The following GALNT13 variants were observed in gnomAD, a reference collection of about 807,000 sequenced individuals.
GALNT13 encodes the protein polypeptide N-acetylgalactosaminyltransferase 13, also known as UDP-GalNAc:polypeptide N-acetylgalactosaminyltransferase 13.
Under a neutral mutation model 64.2 loss-of-function variants are expected in GALNT13, and 28 were observed. The ratio of observed to expected loss-of-function variants is 0.44; its 90% CI spans 0.32 to 0.60. The LOEUF is 0.60. GALNT13 is among the 20% of genes least tolerant of loss of function. The pLI, the probability that GALNT13 is intolerant of heterozygous loss-of-function variation, is 0.05. For synonymous variants in GALNT13, 214 were observed against 224.6 expected, an observed-to-expected ratio of 0.95 and a Z score of 0.42; for missense variants, 577 against 669.8, an observed-to-expected ratio of 0.86 and a Z score of 1.53.
At chr2:153,623,394 T>G in the GALNT13 span, among the ~76,000 whole-genome samples, 1 of 152,114 alleles carries the variant, frequency 6.6e-6, no homozygotes, top group Non-Finnish European at 1.5e-5. Flanking sequence ...TGGTGGTGTT[T>G]CCTTTACTGT....
At chr2:153,106,438 C>T in the GALNT13 span, among the ~76,000 whole-genome samples, 1 of 152,046 alleles carries the variant, frequency 6.6e-6, no homozygotes, top group Non-Finnish European at 1.5e-5. Context: ...ACCATGCTTT[C>T]CATCATGACT....
chr2:154,294,175 CCATT>C (rs1263007558), intron 8 of GALNT13, among the ~76,000 whole-genome samples: 1 of 152,170 alleles, frequency 6.6e-6, no homozygotes, highest in African/African-American at 2.4e-5. Context: ...GAGCCAGTAT[CCATT>C]GAGTTATGGA....
At chr2:153,104,649 T>A in the GALNT13 span, among the ~76,000 whole-genome samples, 10 of 152,276 alleles carry the variant, frequency 6.6e-5, no homozygotes, top group African/African-American at 2.4e-4. Flanking sequence ...AGACTTACTA[T>A]TATTCCAAAG....
chr2:153,546,135 C>T, the GALNT13 span, among the ~76,000 whole-genome samples: 33 of 152,294 alleles, frequency 2.2e-4, no homozygotes, highest in African/African-American at 7.0e-4. Flanking sequence ...CTCAATTTTT[C>T]AGTGATTCCT....
the GALNT13 span, among the ~76,000 whole-genome samples, chr2:153,720,188 C>G: frequency 1.4e-5 from 2 of 146,134 alleles, no homozygotes; most frequent in Non-Finnish European, 3.0e-5. Flanking sequence ...GAGGCACCCC[C>G]CAGCAGGGGC....
chr2:153,542,348 ACACACACAC>A, the GALNT13 span, among the ~76,000 whole-genome samples: 112 of 131,890 alleles, frequency 8.5e-4, 3 homozygotes, highest in East Asian at 9.3e-3. Context: ...ACAAACAAAC[ACACACACAC>A]ACAAAAAAAA....
the GALNT13 span, among the ~76,000 whole-genome samples, chr2:153,176,282 T>C: frequency 6.6e-6 from 1 of 152,120 alleles, no homozygotes. Flanking sequence ...TAGCCTGCTC[T>C]GGGGGGATAT....
chr2:153,256,933 G>A, the GALNT13 span, among the ~76,000 whole-genome samples: 1 of 152,234 alleles, frequency 6.6e-6, no homozygotes, highest in Non-Finnish European at 1.5e-5. Flanking sequence ...CGCAGAGGTG[G>A]AGCCTGCAGA....
At chr2:153,363,574 A>G in the GALNT13 span, among the ~76,000 whole-genome samples, 31,386 of 152,174 alleles carry the variant, frequency 0.21, 3,509 homozygotes, top group African/African-American at 0.29. Flanking sequence ...CCCAACAGAA[A>G]TAGACACTAC....
chr2:153,338,214 G>A, the GALNT13 span, among the ~76,000 whole-genome samples: 1 of 152,150 alleles, frequency 6.6e-6, no homozygotes, highest in African/African-American at 2.4e-5. Flanking sequence ...GATCAACTGA[G>A]CCCAGAAGAT....
the GALNT13 span, among the ~76,000 whole-genome samples, chr2:153,074,889 TACCC>T: frequency 6.6e-6 from 1 of 152,140 alleles, no homozygotes. Flanking sequence ...CATGCCACTG[TACCC>T]AGGTAATTTT....
intron 2 of GALNT13, among the ~76,000 whole-genome samples, chr2:153,939,866 T>C (rs1691212516): frequency 6.6e-6 from 1 of 152,152 alleles, no homozygotes; most frequent in South Asian, 2.1e-4. Context: ...ATTTTGTGAG[T>C]AGGAAAACCA....
chr2:154,050,625 A>T (rs974141759), intron 3 of GALNT13, among the ~76,000 whole-genome samples: 1 of 152,186 alleles, frequency 6.6e-6, no homozygotes, highest in African/African-American at 2.4e-5. Context: ...GGGGAATAAT[A>T]TGAAAATATA....
intron 9 of GALNT13, among the ~76,000 whole-genome samples, chr2:154,368,541 T>G (rs2105304612): frequency 6.6e-6 from 1 of 152,276 alleles, no homozygotes; most frequent in South Asian, 2.1e-4. Context: ...AGAGGAACTG[T>G]GCACAGGCAG....
At chr2:154,225,160 TGATA>T (rs56211679) in intron 4 of GALNT13, among the ~76,000 whole-genome samples, 28,506 of 137,496 alleles carry the variant, frequency 0.21, 3,521 homozygotes, top group Admixed American at 0.35. Flanking sequence ...GATAGATAGA[TGATA>T]GATAGATAGA....
the GALNT13 span, among the ~76,000 whole-genome samples, chr2:153,576,639 G>A: frequency 1.3e-5 from 2 of 152,212 alleles, no homozygotes; most frequent in Non-Finnish European, 2.9e-5. Context: ...GGGAAGGGAT[G>A]GCACCTGCAA....
chr2:154,145,088 C>CTATATATA (rs1231342170), intron 4 of GALNT13, among the ~76,000 whole-genome samples: 5 of 121,234 alleles, frequency 4.1e-5, no homozygotes, highest in Non-Finnish European at 8.9e-5. Flanking sequence ...ATCTATCTAT[C>CTATATATA]TATCTATCTA....
the GALNT13 span, among the ~76,000 whole-genome samples, chr2:153,631,045 G>A: frequency 7.3e-5 from 11 of 151,496 alleles, no homozygotes; most frequent in South Asian, 6.3e-4. Context: ...CCATCTATGA[G>A]TGAGAATATG....
chr2:154,428,315 T>A (rs973745880), intron 11 of GALNT13, among the ~76,000 whole-genome samples: 3 of 152,184 alleles, frequency 2.0e-5, no homozygotes, highest in Non-Finnish European at 2.9e-5. Flanking sequence ...TCAGTTTCAC[T>A]TAGCGAAGCA....
Sources: allele counts gnomAD v4.1 joint callset (sites outside exome capture counted in the v4.1 genomes callset), GRCh38; gene constraint gnomAD v4.1.1; transcripts MANE v1.5; gene names NCBI Gene and HGNC (gene_info 2026-07-23, HGNC 2026-07-21).